FOXJ3: variants seen among roughly 807,000 people sequenced by gnomAD.
FOXJ3 encodes forkhead box protein J3.
A neutral mutation model predicts 76.1 loss-of-function variants in FOXJ3; 22 were observed. That is an observed-to-expected ratio of 0.29 (90% confidence interval 0.21 to 0.41). The LOEUF (loss-of-function observed/expected upper bound fraction) is 0.41, where lower values mean the gene tolerates loss of function less well. Among genes scored for constraint, FOXJ3 ranks in the 10% least tolerant of loss-of-function variants. The pLI, the probability that FOXJ3 is intolerant of heterozygous loss-of-function variation, is 1.00. For missense variants in FOXJ3, 613 were observed against 762.1 expected (o/e 0.80, Z 2.30); for synonymous variants, 269 against 261.2 (o/e 1.03, Z -0.29).
intron 2 of FOXJ3, among the ~76,000 whole-genome samples, chr1:42,306,369 C>T (rs1308844413): frequency 1.4e-5 from 2 of 142,370 alleles, no homozygotes; most frequent in African/African-American, 5.3e-5. Flanking sequence ...GTGGCACAAT[C>T]TCAGCTCACT....
intron 5 of FOXJ3, among the ~76,000 whole-genome samples, chr1:42,216,374 C>T (rs1272903602): frequency 5.3e-5 from 8 of 151,616 alleles, no homozygotes; most frequent in African/African-American, 1.2e-4. Flanking sequence ...AAAAATTAGC[C>T]GGGCGTGGTA....
chr1:42,198,187 T>C (rs1047419996), intron 7 of FOXJ3, among the ~76,000 whole-genome samples: 6 of 152,246 alleles, frequency 3.9e-5, no homozygotes, highest in African/African-American at 7.2e-5. Context: ...TCCACATTTA[T>C]TGTCTTCTTT....
chr1:42,235,581 G>A (rs1238889946), intron 4 of FOXJ3, among the ~76,000 whole-genome samples: 2 of 119,366 alleles, frequency 1.7e-5, no homozygotes, highest in African/African-American at 2.9e-5. Flanking sequence ...TTTTTTTTTT[G>A]AGACAGAATC....
At chr1:42,221,378 C>T (rs1352479717) in intron 5 of FOXJ3, among the ~76,000 whole-genome samples, 1 of 152,066 alleles carries the variant, frequency 6.6e-6, no homozygotes, top group Admixed American at 6.5e-5. Context: ...TTGGGGGGAT[C>T]AAAGAATGAA....
chr1:42,236,452 T>A (rs1259930990), intron 4 of FOXJ3, among the ~76,000 whole-genome samples: 4 of 152,188 alleles, frequency 2.6e-5, no homozygotes, highest in African/African-American at 9.7e-5. Flanking sequence ...CACCTAGGCA[T>A]CCCAAGCACT....
At chr1:42,246,385 T>C (rs1387757923) in intron 4 of FOXJ3, among the ~76,000 whole-genome samples, 1 of 152,142 alleles carries the variant, frequency 6.6e-6, no homozygotes, top group East Asian at 1.9e-4. Context: ...AATGGGCATT[T>C]CTCATAGGAA....
At chr1:42,206,382 A>G (rs1646862247) in intron 5 of FOXJ3, among the ~76,000 whole-genome samples, 1 of 152,198 alleles carries the variant, frequency 6.6e-6, no homozygotes, top group Non-Finnish European at 1.5e-5. Context: ...CAGATTTAAG[A>G]CAGATATGGT....
At chr1:42,324,702 G>A (rs1320748742) in intron 1 of FOXJ3, among the ~76,000 whole-genome samples, 1 of 151,942 alleles carries the variant, frequency 6.6e-6, no homozygotes, top group Non-Finnish European at 1.5e-5. Context: ...GTAGGCAACT[G>A]GAATACAAAA....
At chr1:42,187,045 G>A (rs550062352) in intron 11 of FOXJ3, among the ~76,000 whole-genome samples, 65 of 152,094 alleles carry the variant, frequency 4.3e-4, no homozygotes, top group Non-Finnish European at 6.9e-4. Context: ...ACGGGGTTTC[G>A]CCATGTTGGC....
At chr1:42,307,948 A>G (rs1654566821) in intron 2 of FOXJ3, among the ~76,000 whole-genome samples, 1 of 152,236 alleles carries the variant, frequency 6.6e-6, no homozygotes, top group Admixed American at 6.5e-5. Context: ...AGAAAACAAT[A>G]CTTGTTTACC....
At chr1:42,305,469 G>A (rs550461046) in intron 2 of FOXJ3, among the ~76,000 whole-genome samples, 1 of 152,204 alleles carries the variant, frequency 6.6e-6, no homozygotes, top group Non-Finnish European at 1.5e-5. Context: ...TTGCAATACT[G>A]TTCACAATAG....
intron 1 of FOXJ3, among the ~76,000 whole-genome samples, chr1:42,315,766 T>C (rs982273959): frequency 1.3e-5 from 2 of 152,250 alleles, no homozygotes; most frequent in Non-Finnish European, 2.9e-5. Context: ...CAAATCTCTG[T>C]GGCATCAACT....
intron 2 of FOXJ3, among the ~76,000 whole-genome samples, chr1:42,310,840 T>C (rs984831582): frequency 1.3e-5 from 2 of 152,162 alleles, no homozygotes; most frequent in Admixed American, 6.5e-5. Context: ...GTTCACTAAA[T>C]GAAGATTAAA....
At chr1:42,223,656 TCA>T (rs1647321514) in intron 5 of FOXJ3, among the ~76,000 whole-genome samples, 1 of 152,232 alleles carries the variant, frequency 6.6e-6, no homozygotes, top group Admixed American at 6.5e-5. Context: ...CTGAATCACT[TCA>T]GTTGGTCTAC....
At chr1:42,291,733 T>C (rs1557703686) in intron 2 of FOXJ3, among the ~76,000 whole-genome samples, 1 of 151,998 alleles carries the variant, frequency 6.6e-6, no homozygotes, top group Non-Finnish European at 1.5e-5. Context: ...TGAGCTATGA[T>C]CATGCCACTG....
rs137865261 is a variant in FOXJ3, at chr1:42,269,456, A to G, written c.370-4267T>C. Among the ~76,000 whole-genome samples, 167 of 152,248 alleles carry G rather than the reference A, an allele frequency of 1.1e-3. 1 individual carries two copies. The Middle Eastern group carries it at 0.014, about 12-fold the overall frequency. On this transcript the variant is annotated intron_variant, in intron 3 of 12. Transcript: ENST00000361346. ...TTGGAAATCTTCAGGGTTCTGCCCT[A>G]TGTCTTTTTCATTTCTACATCTGCT...
chr1:42,290,278 C>G (rs929769801), intron 2 of FOXJ3, among the ~76,000 whole-genome samples: 4 of 152,144 alleles, frequency 2.6e-5, no homozygotes, highest in African/African-American at 9.6e-5. Flanking sequence ...GCTAGAATCC[C>G]TTAAGGTTAT....
intron 5 of FOXJ3, among the ~76,000 whole-genome samples, chr1:42,206,513 T>C (rs1270441041): frequency 6.6e-6 from 1 of 152,226 alleles, no homozygotes; most frequent in Non-Finnish European, 1.5e-5. Context: ...TGTTTATATC[T>C]CTGACCCACC....
chr1:42,296,576 CTGTT>C (rs1653803754), intron 2 of FOXJ3, among the ~76,000 whole-genome samples: 1 of 152,182 alleles, frequency 6.6e-6, no homozygotes, highest in South Asian at 2.1e-4. Context: ...CCTTTCTCCA[CTGTT>C]TATTTTCATC....
Sources: allele counts gnomAD v4.1 joint callset (sites outside exome capture counted in the v4.1 genomes callset), GRCh38; gene constraint gnomAD v4.1.1; transcripts MANE v1.5; gene names NCBI Gene and HGNC (gene_info 2026-07-23, HGNC 2026-07-21).